ALAD: variants seen among roughly 807,000 people sequenced by gnomAD.
The protein encoded by ALAD is delta-aminolevulinic acid dehydratase.
In ALAD, 20 loss-of-function variants were observed where a neutral mutation model predicts 44.4. The ratio of observed to expected loss-of-function variants is 0.45; its 90% confidence interval spans 0.32 to 0.65. The LOEUF is 0.65. Ranked by LOEUF, ALAD falls within the 30% of genes least tolerant of loss-of-function variation. The probability of loss-of-function intolerance (pLI) is 0.05; values close to 1 mark genes in which losing one functional copy is unlikely to be tolerated. For missense variants in ALAD, 323 were observed against 445.7 expected (o/e 0.72, Z 2.48); for synonymous variants, 156 against 167.9 (o/e 0.93, Z 0.55).
At chr9:113,390,746 G>A in intron 5 of ALAD, 52 bp downstream of exon 5, 3 of 1,599,462 alleles carry the variant, frequency 1.9e-6, no homozygotes, top group Non-Finnish European at 2.6e-6. Context: ...GTTGAGAAGT[G>A]GGCAGTAGGA....
intron 3 of ALAD, among the ~76,000 whole-genome samples, chr9:113,391,914 C>T (rs970714148): frequency 3.3e-5 from 5 of 152,338 alleles, no homozygotes; most frequent in Non-Finnish European, 5.9e-5. Flanking sequence ...CACGACGTCT[C>T]GGGTGATGGG....
chr9:113,392,638 T>C (rs1241468232), intron 2 of ALAD: 5 of 173,998 alleles, frequency 2.9e-5, no homozygotes, highest in Admixed American at 1.7e-4. Flanking sequence ...GTGAACAAAA[T>C]AGACAAACAT....
At chr9:113,388,857 A>T in intron 11 of ALAD, 120 bp downstream of exon 11, 1 of 1,458,616 alleles carries the variant, frequency 6.9e-7, no homozygotes, top group Non-Finnish European at 9.6e-7. Flanking sequence ...GTGTCTGTTT[A>T]GATCACTAGT....
chr9:113,393,387 C>T (rs1019266569), intron 2 of ALAD, 60 bp downstream of exon 2: 1 of 1,473,954 alleles, frequency 6.8e-7, no homozygotes. Context: ...GTCAACACTC[C>T]CTCCCCAACC....
At chr9:113,400,654 C>G (rs1347822530) in intron 1 of ALAD, among the ~76,000 whole-genome samples, 2 of 151,912 alleles carry the variant, frequency 1.3e-5, no homozygotes, top group Non-Finnish European at 2.9e-5. Context: ...GAAACCCCAT[C>G]TCTACTAAAA....
chr9:113,391,117 C>T (rs1827570558), intron 4 of ALAD, among the ~76,000 whole-genome samples, 184 bp from the exon 5 acceptor site: 1 of 152,236 alleles, frequency 6.6e-6, no homozygotes, highest in Non-Finnish European at 1.5e-5. Flanking sequence ...CACGTCCATT[C>T]ACCTGTGGCC....
chr9:113,390,394 C>G lies in ALAD; in HGVS notation c.570+11G>C. 4 of 1,613,656 alleles carry G rather than the reference C, an allele frequency of 2.5e-6. No individual in the cohort carries two copies. Among genetic ancestry groups the G allele is most frequent in the Non-Finnish European group, 2.5e-6 (3 of 1,179,832 alleles). On this transcript the variant is annotated intron_variant, in intron 7 of 11. Transcript: ENST00000409155. ...CTCCTGCCAGCCCTGTGCTGCATTCCCTGCCCTTACCCTGTTGCCAAGTCC... is the reference window on the plus strand; with the variant it reads ...CTCCTGCCAGCCCTGTGCTGCATTCGCTGCCCTTACCCTGTTGCCAAGTCC...
chr9:113,395,663 G>A (rs970154589), intron 1 of ALAD, among the ~76,000 whole-genome samples: 1 of 152,212 alleles, frequency 6.6e-6, no homozygotes, highest in Non-Finnish European at 1.5e-5. Context: ...CATCAAGTGG[G>A]CACTACAGTC....
intron 7 of ALAD, 129 bp downstream of exon 7, chr9:113,390,276 C>G: frequency 1.0e-6 from 1 of 952,648 alleles, no homozygotes; most frequent in Non-Finnish European, 1.6e-6. Flanking sequence ...CCTGCCTCAG[C>G]CTCCCAAAGT....
In ALAD at chr9:113,393,468, A is replaced by G. The variant is rs1827649943; in HGVS notation, c.92T>C (p.Leu31Pro). 6.3e-7 allele frequency: 1 copy of G among 1,599,794 alleles called. No individual in the cohort carries two copies. Among genetic ancestry groups the G allele is most frequent in the African/African-American group, 1.3e-5 (1 of 74,756 alleles). Residue 31 changes from leucine to proline, a missense_variant, in exon 2 of 12, where the codon CTC becomes CCC. Transcript: ENST00000409155. ...TCACGTGACAAAGATGGGGTAGATG[A>G]GGTTGGAGGCATTGAGGGTGGTGGT... ...TATTTLNASN[L>P]IYPIFVTDVP...
At position 113,390,476 on chromosome 9, in the gene ALAD, G is replaced by A. The variant is rs202176263; in HGVS notation, c.499C>T (p.Pro167Ser). Residue 167 changes from proline (P) to serine (S), a missense_variant, in exon 7 of 12, where the codon CCG (proline) becomes TCG (serine). By Grantham distance (74) the Pro-to-Ser change is moderately conservative. Transcript: ENST00000409155. ...YAKAGCQVVA[P>S]SDMMDGRVEA... is the part of the protein sequence containing the mutation. ...ACGCGTCCATCCATCATGTCCGACG[G>A]GGCTACCACCTGACATCCTGGGGGG... The A allele has an allele frequency of 6.2e-7, 1 of 1,614,148 alleles. No individual in the cohort carries two copies. The highest frequency in any genetic ancestry group is 8.5e-7 in the Non-Finnish European group (1 of 1,180,038).
Position 113,389,812 on chromosome 9 carries a change from T to C in ALAD, c.587A>G (p.Tyr196Cys), listed in dbSNP as rs766029772. ...GAAACAGGAAGCAAATTTGGCACTG[T>C]AGCTCATCACCGATACCTATGGGGA... ...GLGNRVSVMS[Y>C]SAKFASCFYG... The change falls in exon 8 of 12, where the codon TAC becomes TGC. Residue 196 changes from tyrosine (Y) to cysteine (C), a missense_variant. Coordinates refer to ENST00000409155, the MANE Select transcript of ALAD (RefSeq NM_000031.6). 6.2e-7 allele frequency: 1 copy of C among 1,614,242 alleles called. No individual in the cohort carries two copies. The highest frequency in any genetic ancestry group is 8.5e-7 in the Non-Finnish European group (1 of 1,180,054).
At chr9:113,390,333 C>T in intron 7 of ALAD, 72 bp downstream of exon 7, 2 of 1,509,426 alleles carry the variant, frequency 1.3e-6, no homozygotes, top group Non-Finnish European at 1.8e-6. Flanking sequence ...TTCTGTGATT[C>T]TTAGCAGACA....
rs765193248 is a variant in ALAD at position 113,393,429 on chromosome 9, C to T, written c.113+18G>A. ...CCAACCAGCAGAGCAGAGGCCTGGC[C>T]CATTCTTGGAGACTCACGTGACAAA... On this transcript the variant is annotated intron_variant, in intron 2 of 11. Coordinates refer to ENST00000409155, the MANE Select transcript of ALAD (RefSeq NM_000031.6). 2 of 1,590,536 alleles carry T rather than the reference C, an allele frequency of 1.3e-6. No individual in the cohort carries two copies. The highest frequency in any genetic ancestry group is 1.7e-5 in the Admixed American group (1 of 59,894).
rs1427722871 is a variant in ALAD, at chr9:113,388,008, G to T, written c.*292C>A. The T allele has an allele frequency of 2.2e-6, 1 of 458,296 alleles. No homozygotes were observed. The highest frequency in any genetic ancestry group is 3.4e-5 in the Admixed American group (1 of 29,564). The allele number at this position is 458,296 out of a possible 1,614,324, so 28.4% of individuals were successfully genotyped here. On this transcript the variant is annotated 3_prime_UTR_variant, in exon 12 of 12. Coordinates refer to ENST00000409155, the MANE Select transcript of ALAD (RefSeq NM_000031.6). ...AAGGCTGTGCCCCCGACTCCAGGTT[G>T]CTTTCAAGCTGAAGCCACACCAGAG...
chr9:113,391,454 T>C (rs1041614321), intron 4 of ALAD, 73 bp downstream of exon 4: 1 of 1,341,396 alleles, frequency 7.5e-7, no homozygotes, highest in Admixed American at 1.7e-5. Context: ...TCCACCCACT[T>C]TGGCCTCCCA....
chr9:113,388,306 C>T lies in ALAD; in HGVS notation c.987G>A (p.Glu329=), dbSNP rs1020631364. The T allele has an allele frequency of 6.2e-7, 1 of 1,614,160 alleles. No homozygotes were observed. Among genetic ancestry groups the T allele is most frequent in the Non-Finnish European group, 8.5e-7 (1 of 1,180,030 alleles). ...YTPQLLQWLK[E]E Reference sequence around the variant, plus strand: ...GGGCCTGGCACTGTCTCCATCATTCCTCCTTCAGCCACTGCAGCAGCTGCG... The same window carrying T: ...GGGCCTGGCACTGTCTCCATCATTCTTCCTTCAGCCACTGCAGCAGCTGCG... The change falls in exon 12 of 12, where the codon GAG becomes GAA. Residue 329 remains glutamate (E), a synonymous_variant. Transcript: ENST00000409155.
intron 10 of ALAD, 123 bp from the exon 11 acceptor site, chr9:113,389,229 G>A: frequency 6.8e-7 from 1 of 1,472,622 alleles, no homozygotes; most frequent in Non-Finnish European, 9.3e-7. Flanking sequence ...ACTGCGGCTG[G>A]CAGCCTGGCC....
intron 1 of ALAD, among the ~76,000 whole-genome samples, chr9:113,398,537 G>C (rs955417211): frequency 5.9e-5 from 9 of 152,200 alleles, no homozygotes; most frequent in African/African-American, 9.6e-5. Context: ...CACTACAGCA[G>C]TCCACTTTGA....
Sources: allele counts gnomAD v4.1 joint callset (sites outside exome capture counted in the v4.1 genomes callset), GRCh38; gene constraint gnomAD v4.1.1; transcripts MANE v1.5; gene names NCBI Gene and HGNC (gene_info 2026-07-23, HGNC 2026-07-21).